The following MCTP2 variants were observed in gnomAD, a reference collection of about 807,000 sequenced individuals.
MCTP2 encodes multiple C2 and transmembrane domain-containing protein 2.
A neutral mutation model predicts 111.6 loss-of-function variants in MCTP2; 132 were observed. The ratio of observed to expected loss-of-function variants is 1.18; its 90% CI spans 1.03 to 1.37. The LOEUF (loss-of-function observed/expected upper bound fraction) is 1.37, where lower values mean the gene tolerates loss of function less well. Among genes scored for constraint, MCTP2 ranks in the 40% most tolerant of loss-of-function variants. The probability of loss-of-function intolerance (pLI) is 0.00; values close to 1 mark genes in which losing one functional copy is unlikely to be tolerated. For synonymous variants in MCTP2, 395 were observed against 387.7 expected (o/e 1.02, Z -0.22); for missense variants, 1,183 against 1,067.9 (o/e 1.11, Z -1.50).
chr15:94,336,771 A>G (rs78262316), intron 4 of MCTP2, among the ~76,000 whole-genome samples: 3,945 of 151,804 alleles, frequency 0.026, 151 homozygotes, highest in African/African-American at 0.09. Flanking sequence ...ATATATATGT[A>G]TATATGTACT....
intron 17 of MCTP2, among the ~76,000 whole-genome samples, chr15:94,430,897 C>T (rs1399111567): frequency 6.6e-6 from 1 of 152,156 alleles, no homozygotes; most frequent in African/African-American, 2.4e-5. Context: ...CACTTACTGC[C>T]CTCTCAGTGA....
intron 2 of MCTP2, among the ~76,000 whole-genome samples, chr15:94,301,748 G>A (rs1289847475): frequency 6.6e-6 from 1 of 151,696 alleles, no homozygotes; most frequent in African/African-American, 2.4e-5. Context: ...TATTTTATAT[G>A]ATAATTGAAA....
chr15:94,310,892 T>C (rs928934143), intron 2 of MCTP2, among the ~76,000 whole-genome samples: 1 of 151,614 alleles, frequency 6.6e-6, no homozygotes, highest in Non-Finnish European at 1.5e-5. Flanking sequence ...CAGTGAGCTA[T>C]GAATATGTCA....
intron 17 of MCTP2, among the ~76,000 whole-genome samples, chr15:94,430,202 G>GC (rs1441936448): frequency 6.6e-6 from 1 of 151,836 alleles, no homozygotes. Flanking sequence ...TCTGCTTCCC[G>GC]CCCTCTTGGC....
At chr15:94,444,879 C>A (rs1396357881) in intron 19 of MCTP2, among the ~76,000 whole-genome samples, 2 of 152,118 alleles carry the variant, frequency 1.3e-5, no homozygotes, top group Non-Finnish European at 2.9e-5. Context: ...GGATGTCCTC[C>A]CCGCTTTAGG....
intron 12 of MCTP2, among the ~76,000 whole-genome samples, chr15:94,373,068 G>A (rs2079572455): frequency 6.6e-6 from 1 of 152,174 alleles, no homozygotes; most frequent in Non-Finnish European, 1.5e-5. Flanking sequence ...GGGGCAAAGG[G>A]ACCACACATC....
intron 14 of MCTP2, among the ~76,000 whole-genome samples, chr15:94,397,327 CTT>C (rs1053920967): frequency 4.6e-5 from 7 of 152,194 alleles, no homozygotes; most frequent in African/African-American, 1.7e-4. Flanking sequence ...TCTGATACCT[CTT>C]GTTCTTCTGT....
chr15:94,306,147 T>A (rs2075869112), intron 2 of MCTP2, among the ~76,000 whole-genome samples: 1 of 152,034 alleles, frequency 6.6e-6, no homozygotes, highest in South Asian at 2.1e-4. Context: ...AGCAGGGTGG[T>A]CAGGAAAGGC....
intron 4 of MCTP2, among the ~76,000 whole-genome samples, chr15:94,330,640 G>A (rs1048434178): frequency 6.6e-6 from 1 of 151,802 alleles, no homozygotes; most frequent in Non-Finnish European, 1.5e-5. Context: ...TCGTTTTTTG[G>A]TGTTACAGGG....
At chr15:94,290,132 G>A (rs78224492) in intron 1 of MCTP2, among the ~76,000 whole-genome samples, 2,349 of 151,780 alleles carry the variant, frequency 0.015, 57 homozygotes, top group African/African-American at 0.05. Flanking sequence ...ATAAAGAAAT[G>A]GATTCTCAAC....
chr15:94,461,971 C>T (rs972164385), intron 20 of MCTP2, among the ~76,000 whole-genome samples: 1 of 152,182 alleles, frequency 6.6e-6, no homozygotes, highest in African/African-American at 2.4e-5. Context: ...AAAGCAAACA[C>T]AGGCTAGTGT....
Position 94,379,697 on chromosome 15 carries a change from A to C in MCTP2, c.1583-4325A>C, listed in dbSNP as rs904028564. 4.8e-5 allele frequency among the ~76,000 whole-genome samples: 7 copies of C among 147,240 alleles called. No individual in the cohort carries two copies. The Admixed American group carries it at 4.8e-4, about 10-fold the overall frequency. The stretch of plus-strand genomic sequence containing the variant: ...TCTCTCTCATATATATACAAAATGT[A>C]AATATCATATATATGATATATAATA... On this transcript the variant is annotated intron_variant, in intron 12 of 22. Transcript: ENST00000357742.
intron 20 of MCTP2, among the ~76,000 whole-genome samples, chr15:94,461,370 G>C (rs1323141001): frequency 6.6e-6 from 1 of 152,162 alleles, no homozygotes; most frequent in Non-Finnish European, 1.5e-5. Flanking sequence ...TGAGGCAGGA[G>C]AATCGCTTGA....
intron 1 of MCTP2, among the ~76,000 whole-genome samples, chr15:94,259,383 G>T (rs780541158): frequency 6.6e-6 from 1 of 152,172 alleles, no homozygotes; most frequent in Non-Finnish European, 1.5e-5. Flanking sequence ...CTGCTGTTCT[G>T]TTACTGCAGC....
chr15:94,243,170 C>G (rs369169424), intron 1 of MCTP2, among the ~76,000 whole-genome samples: 1 of 125,594 alleles, frequency 8.0e-6, no homozygotes, highest in African/African-American at 3.0e-5. Flanking sequence ...TATATACATA[C>G]GTACGTATGT....
chr15:94,362,499 C>T (rs1050240313), intron 10 of MCTP2, among the ~76,000 whole-genome samples: 1 of 152,134 alleles, frequency 6.6e-6, no homozygotes, highest in Non-Finnish European at 1.5e-5. Context: ...GACATTCTAC[C>T]AGTTTATTAG....
intron 1 of MCTP2, among the ~76,000 whole-genome samples, chr15:94,279,005 T>C (rs1346951245): frequency 1.3e-5 from 2 of 152,210 alleles, no homozygotes; most frequent in Admixed American, 1.3e-4. Flanking sequence ...TACCATCCTG[T>C]TACAGTTGCT....
rs761354387 is a variant in MCTP2 at position 94,483,172 on chromosome 15, C to CA, written c.*4144dup. On this transcript the variant is annotated 3_prime_UTR_variant, in exon 23 of 23. Transcript: ENST00000357742. Reference sequence around the variant, plus strand: ...GACCTCAGTGTAACCCTATTAGCTGCAAAAAATTCTTCATGGGCTTGAGAT... The same window carrying CA: ...GACCTCAGTGTAACCCTATTAGCTGCAAAAAAATTCTTCATGGGCTTGAGAT... The CA allele has an allele frequency of 9.2e-5, 14 of 152,192 alleles. No homozygotes were observed. Among genetic ancestry groups the CA allele is most frequent in the Non-Finnish European group, 1.0e-4 (7 of 68,000 alleles). The allele number at this position is 152,192 out of a possible 1,614,324, so 9.4% of individuals were successfully genotyped here.
At chr15:94,353,006 T>C (rs1354776045) in intron 8 of MCTP2, among the ~76,000 whole-genome samples, 1 of 152,216 alleles carries the variant, frequency 6.6e-6, no homozygotes, top group Non-Finnish European at 1.5e-5. Flanking sequence ...TATAGTGGTT[T>C]GCAGAAATAT....
Sources: allele counts gnomAD v4.1 joint callset (sites outside exome capture counted in the v4.1 genomes callset), GRCh38; gene constraint gnomAD v4.1.1; transcripts MANE v1.5; gene names NCBI Gene and HGNC (gene_info 2026-07-23, HGNC 2026-07-21).